Variants in TPD52 observed in about 807,000 individuals in gnomAD.
The protein encoded by TPD52 is tumor protein D52, also known as prostate and colon associated protein.
TPD52 carries 17 observed loss-of-function variants against 31.3 expected under a neutral mutation model. The observed-to-expected ratio is 0.54, with a 90% CI of 0.37 to 0.82. The LOEUF (loss-of-function observed/expected upper bound fraction) is 0.82. Among genes scored for constraint, TPD52 ranks in the 40% least tolerant of loss-of-function variants. The probability of loss-of-function intolerance (pLI) is 0.00; values close to 1 mark genes in which losing one functional copy is unlikely to be tolerated. For synonymous variants in TPD52, 83 were observed against 89.6 expected (o/e 0.93, Z 0.42); for missense variants, 212 against 240.1 (o/e 0.88, Z 0.77).
At chr8:80,088,193 C>T (rs138723127) in intron 1 of TPD52, among the ~76,000 whole-genome samples, 1,563 of 152,270 alleles carry the variant, frequency 0.01, 24 homozygotes, top group African/African-American at 0.035. Context: ...CAGTCCCTCA[C>T]ATCTAATGGC....
chr8:80,169,986 T>A (rs1165944585), intron 1 of TPD52, among the ~76,000 whole-genome samples: 1 of 152,202 alleles, frequency 6.6e-6, no homozygotes, highest in Non-Finnish European at 1.5e-5. Flanking sequence ...ATAATATATA[T>A]ATACACATAG....
intron 5 of TPD52, among the ~76,000 whole-genome samples, chr8:80,046,722 T>C (rs1161139444): frequency 1.4e-5 from 2 of 143,128 alleles, no homozygotes; most frequent in South Asian, 2.1e-4. Context: ...AATGCAAACA[T>C]GGGCTCCTCA....
chr8:80,135,411 T>C (rs1160878756), intron 1 of TPD52, among the ~76,000 whole-genome samples: 1 of 152,166 alleles, frequency 6.6e-6, no homozygotes, highest in African/African-American at 2.4e-5. Flanking sequence ...CTTCTCACCC[T>C]ACCTGCCCCA....
At chr8:80,065,791 T>C (rs1024592207) in intron 1 of TPD52, among the ~76,000 whole-genome samples, 1 of 152,172 alleles carries the variant, frequency 6.6e-6, no homozygotes, top group African/African-American at 2.4e-5. Context: ...TGATTTTCTT[T>C]TACATTAATT....
chr8:80,049,110 A>T (rs1283030794), intron 5 of TPD52, among the ~76,000 whole-genome samples: 1 of 152,222 alleles, frequency 6.6e-6, no homozygotes, highest in Non-Finnish European at 1.5e-5. Context: ...CATCCTCAAT[A>T]GCCCTTACTT....
chr8:80,063,967 GGAA>G (rs1275504291), intron 2 of TPD52, among the ~76,000 whole-genome samples: 2 of 131,672 alleles, frequency 1.5e-5, no homozygotes, highest in East Asian at 2.5e-4. Context: ...AGCCAGAAGG[GGAA>G]GAAGGAGGGG....
At chr8:80,087,086 G>C (rs915300264) in intron 1 of TPD52, among the ~76,000 whole-genome samples, 1 of 151,982 alleles carries the variant, frequency 6.6e-6, no homozygotes, top group African/African-American at 2.4e-5. Flanking sequence ...CTGGTCAACC[G>C]GATGGGGCTA....
intron 7 of TPD52, chr8:80,042,055 C>T (rs1810441329): frequency 2.0e-6 from 1 of 494,602 alleles, no homozygotes; most frequent in Non-Finnish European, 2.6e-6. Flanking sequence ...CGCCACTGCA[C>T]TCCAGCCTGG....
intron 1 of TPD52, among the ~76,000 whole-genome samples, chr8:80,122,284 G>T (rs550265026): frequency 2.0e-5 from 3 of 152,294 alleles, no homozygotes; most frequent in Admixed American, 1.3e-4. Flanking sequence ...ATGAGTAAAA[G>T]CAGAGAGCAG....
At chr8:80,086,767 A>G (rs1425590528) in intron 1 of TPD52, among the ~76,000 whole-genome samples, 1 of 149,660 alleles carries the variant, frequency 6.7e-6, no homozygotes, top group Non-Finnish European at 1.5e-5. Flanking sequence ...CCAGTTACTC[A>G]GAAGACTGAG....
chr8:80,105,345 C>T (rs1379639765), intron 1 of TPD52, among the ~76,000 whole-genome samples: 2 of 152,144 alleles, frequency 1.3e-5, no homozygotes, highest in South Asian at 2.1e-4. Flanking sequence ...CTGACCTAAT[C>T]GGTTATGTTA....
intron 1 of TPD52, among the ~76,000 whole-genome samples, chr8:80,132,908 AG>A (rs1300013159): frequency 6.6e-6 from 1 of 152,194 alleles, no homozygotes; most frequent in African/African-American, 2.4e-5. Flanking sequence ...CCTGGAGTTT[AG>A]TTACCCTCAG....
In TPD52 at chr8:80,085,273, G is replaced by A. The variant is rs1815650279; in HGVS notation, c.20-20680C>T. Among the ~76,000 whole-genome samples, 5 of 152,346 alleles carry A rather than the reference G, an allele frequency of 3.3e-5. No homozygotes were observed. The South Asian group carries it at 1.0e-3, about 32-fold the overall frequency. On this transcript the variant is annotated intron_variant, in intron 1 of 7. Coordinates refer to ENST00000518937, the MANE Select transcript of TPD52 (RefSeq NM_001025253.3). ...GCCAGTAAAGTGCGTATGTACTGCA[G>A]GGTAATAACCGGAGACGACTCATGT... is the stretch of plus-strand genomic sequence containing the variant.
At chr8:80,123,125 T>G (rs1269269402) in intron 1 of TPD52, 1 of 152,236 alleles carries the variant, frequency 6.6e-6, no homozygotes, top group Non-Finnish European at 1.5e-5. Context: ...TAAGTGCTGG[T>G]GATAAGGTAG....
chr8:80,042,554 G>C (rs2303445), intron 7 of TPD52, 66 bp downstream of exon 7: 104,257 of 1,540,404 alleles, frequency 0.068, 16,837 homozygotes, highest in African/African-American at 0.65. Flanking sequence ...AATGATTTTC[G>C]CACAGCAAAG....
chr8:80,106,136 A>G (rs552227559), intron 1 of TPD52, among the ~76,000 whole-genome samples: 30 of 152,022 alleles, frequency 2.0e-4, no homozygotes, highest in African/African-American at 7.0e-4. Flanking sequence ...GTAGGTATAT[A>G]TATTTATGGG....
At chr8:80,042,803 G>T in intron 6 of TPD52, 135 bp from the exon 7 acceptor site, 1 of 688,758 alleles carries the variant, frequency 1.5e-6, no homozygotes, top group South Asian at 2.3e-5. Context: ...TACCATATAT[G>T]TGCAGGTACA....
intron 1 of TPD52, among the ~76,000 whole-genome samples, chr8:80,084,921 C>T (rs971400129): frequency 6.6e-6 from 1 of 151,998 alleles, no homozygotes; most frequent in African/African-American, 2.4e-5. Flanking sequence ...AAAAGCAATA[C>T]AAATGCCTAC....
At chr8:80,067,362 A>G (rs1467835446) in intron 1 of TPD52, 1 of 151,300 alleles carries the variant, frequency 6.6e-6, no homozygotes, top group African/African-American at 2.4e-5. Flanking sequence ...TGCAGTCTGG[A>G]AAAAAAAATT....
Sources: gnomAD v4.1 joint callset for allele counts (sites outside exome capture counted in the v4.1 genomes callset) on GRCh38, gnomAD v4.1.1 for gene constraint, MANE v1.5 for transcripts, NCBI Gene and HGNC (gene_info 2026-07-23, HGNC 2026-07-21) for gene names.